Variants in SYNDIG1 observed in about 807,000 individuals in gnomAD.
The protein encoded by SYNDIG1 is synapse differentiation inducing 1.
In SYNDIG1, 9 loss-of-function variants were observed where a neutral mutation model predicts 19.4. The ratio of observed to expected loss-of-function variants is 0.46; its 90% CI spans 0.28 to 0.81. The LOEUF is 0.81. SYNDIG1 is among the 30% of genes least tolerant of loss of function. The pLI is 0.12. For synonymous variants in SYNDIG1, 141 were observed against 145.9 expected (o/e 0.97, Z 0.24); for missense variants, 311 against 343.3 (o/e 0.91, Z 0.74).
chr20:24,477,384 C>T (rs897378615), intron 1 of SYNDIG1, among the ~76,000 whole-genome samples: 1 of 152,124 alleles, frequency 6.6e-6, no homozygotes, highest in African/African-American at 2.4e-5. Flanking sequence ...ACACCTCCCT[C>T]CTCCCTAAGC....
intron 1 of SYNDIG1, among the ~76,000 whole-genome samples, chr20:24,499,770 A>G (rs762127021): frequency 1.3e-5 from 2 of 152,224 alleles, no homozygotes; most frequent in Non-Finnish European, 2.9e-5. Flanking sequence ...CATCCTTGGT[A>G]AGGCAAGGAG....
In SYNDIG1 at chr20:24,641,330, T is replaced by C. The variant is rs529921026; in HGVS notation, c.619-24016T>C. The stretch of plus-strand genomic sequence containing the variant: ...ATGGATGGAGAGTTGGGTAGATACA[T>C]AAATATAGCAAAATGATAATGGTAC... On this transcript the variant is annotated intron_variant, in intron 3 of 3. Coordinates refer to ENST00000376862, the MANE Select transcript of SYNDIG1 (RefSeq NM_024893.3). Among the ~76,000 whole-genome samples the C allele has an allele frequency of 3.9e-5, 6 of 152,292 alleles. No homozygotes were observed. In the East Asian group the frequency reaches 1.2e-3, roughly 29 times the overall value.
intron 1 of SYNDIG1, among the ~76,000 whole-genome samples, chr20:24,525,738 T>C (rs2057111032): frequency 6.6e-6 from 1 of 152,244 alleles, no homozygotes; most frequent in Non-Finnish European, 1.5e-5. Flanking sequence ...TATATGTGCA[T>C]TTTTGATCAA....
intron 1 of SYNDIG1, among the ~76,000 whole-genome samples, chr20:24,541,407 G>A (rs141298824): frequency 6.6e-6 from 1 of 152,318 alleles, no homozygotes; most frequent in East Asian, 1.9e-4. Context: ...TAACTCCCCA[G>A]GAGAGTTCTT....
chr20:24,615,390 G>C (rs941329098), intron 3 of SYNDIG1, among the ~76,000 whole-genome samples: 1 of 152,294 alleles, frequency 6.6e-6, no homozygotes, highest in African/African-American at 2.4e-5. Context: ...TCCAACCCCA[G>C]GTTCTACGCT....
intron 3 of SYNDIG1, among the ~76,000 whole-genome samples, chr20:24,607,822 C>G (rs1271305204): frequency 6.6e-6 from 1 of 152,156 alleles, no homozygotes; most frequent in African/African-American, 2.4e-5. Context: ...TTAAAACTCC[C>G]AATATTTACA....
At chr20:24,498,216 A>G (rs775514985) in intron 1 of SYNDIG1, among the ~76,000 whole-genome samples, 4 of 152,218 alleles carry the variant, frequency 2.6e-5, no homozygotes, top group African/African-American at 4.8e-5. Context: ...GGAGTCATCA[A>G]CATACTTTGT....
intron 3 of SYNDIG1, among the ~76,000 whole-genome samples, chr20:24,608,751 C>T (rs992892321): frequency 6.6e-6 from 1 of 152,104 alleles, no homozygotes; most frequent in African/African-American, 2.4e-5. Context: ...GCCCGATGGC[C>T]GTCAGTAAGG....
chr20:24,641,067 A>G (rs967037105), intron 3 of SYNDIG1, among the ~76,000 whole-genome samples: 13 of 152,348 alleles, frequency 8.5e-5, no homozygotes, highest in African/African-American at 2.9e-4. Context: ...TTTTGCTTAG[A>G]GAATGATATT....
chr20:24,541,087 A>G (rs902675004), intron 1 of SYNDIG1, among the ~76,000 whole-genome samples: 2 of 152,214 alleles, frequency 1.3e-5, no homozygotes, highest in African/African-American at 4.8e-5. Context: ...CAGAGCTGAA[A>G]GGGACCTGAA....
At chr20:24,481,426 C>T (rs1340812636) in intron 1 of SYNDIG1, among the ~76,000 whole-genome samples, 1 of 152,194 alleles carries the variant, frequency 6.6e-6, no homozygotes, top group Non-Finnish European at 1.5e-5. Flanking sequence ...TGGGTTTCCT[C>T]CCAGCATGGT....
intron 1 of SYNDIG1, among the ~76,000 whole-genome samples, chr20:24,517,940 G>A (rs2056921803): frequency 6.6e-6 from 1 of 151,062 alleles, no homozygotes; most frequent in South Asian, 2.1e-4. Flanking sequence ...CAAGTAGCTG[G>A]GACAACAGGC....
intron 2 of SYNDIG1, among the ~76,000 whole-genome samples, chr20:24,556,656 A>T (rs1368435771): frequency 6.6e-6 from 1 of 152,184 alleles, no homozygotes; most frequent in South Asian, 2.1e-4. Context: ...TGGCTTGTAG[A>T]GTTTCTGCCA....
At chr20:24,603,389 G>C (rs1260115632) in intron 3 of SYNDIG1, among the ~76,000 whole-genome samples, 1 of 152,108 alleles carries the variant, frequency 6.6e-6, no homozygotes, top group African/African-American at 2.4e-5. Context: ...CTCTGCCATT[G>C]AGCAGGGAGG....
chr20:24,568,705 A>G (rs1314105450), intron 2 of SYNDIG1, among the ~76,000 whole-genome samples: 1 of 152,258 alleles, frequency 6.6e-6, no homozygotes, highest in African/African-American at 2.4e-5. Context: ...ATGTATTCAT[A>G]TAAGCACTCA....
chr20:24,579,957 G>A (rs1432658181), intron 2 of SYNDIG1, among the ~76,000 whole-genome samples: 2 of 152,204 alleles, frequency 1.3e-5, no homozygotes, highest in Non-Finnish European at 2.9e-5. Flanking sequence ...AAAACCCCGA[G>A]GGAACTGAGA....
At chr20:24,583,156 G>A (rs190383321) in intron 2 of SYNDIG1, among the ~76,000 whole-genome samples, 54 of 152,364 alleles carry the variant, frequency 3.5e-4, no homozygotes, top group African/African-American at 1.3e-3. Context: ...AACAAAAATG[G>A]GAAAGGGAGC....
At chr20:24,569,100 C>T (rs1217786482) in intron 2 of SYNDIG1, among the ~76,000 whole-genome samples, 1 of 152,116 alleles carries the variant, frequency 6.6e-6, no homozygotes, top group Admixed American at 6.5e-5. Flanking sequence ...CTTTTGGTGT[C>T]GGAAATACGA....
At chr20:24,532,034 C>T (rs540808086) in intron 1 of SYNDIG1, among the ~76,000 whole-genome samples, 69 of 152,344 alleles carry the variant, frequency 4.5e-4, no homozygotes, top group African/African-American at 1.6e-3. Flanking sequence ...TATGTTGTCA[C>T]TTTGTGTTCC....
Sources: gnomAD v4.1 joint callset for allele counts (sites outside exome capture counted in the v4.1 genomes callset) on GRCh38, gnomAD v4.1.1 for gene constraint, MANE v1.5 for transcripts, NCBI Gene and HGNC (gene_info 2026-07-23, HGNC 2026-07-21) for gene names.